Variants in NMNAT2 observed in about 807,000 individuals in gnomAD.
NMNAT2 encodes nicotinamide/nicotinic acid mononucleotide adenylyltransferase 2.
NMNAT2 carries 11 observed loss-of-function variants against 41.6 expected under a neutral mutation model. The ratio of observed to expected loss-of-function variants is 0.26; its 90% CI spans 0.17 to 0.44. The LOEUF is 0.44. Among genes scored for constraint, NMNAT2 ranks in the 20% least tolerant of loss-of-function variants. The pLI is 1.00. For synonymous variants in NMNAT2, 148 were observed against 151.2 expected (o/e 0.98, Z 0.16); for missense variants, 288 against 407.7 (o/e 0.71, Z 2.53).
intron 1 of NMNAT2, among the ~76,000 whole-genome samples, chr1:183,345,276 T>C (rs1171908800): frequency 2.0e-5 from 3 of 152,136 alleles, no homozygotes; most frequent in Admixed American, 6.5e-5. Flanking sequence ...CAAAATTATG[T>C]TGAAATTCAA....
chr1:183,278,032 G>T (rs939227212), intron 8 of NMNAT2, among the ~76,000 whole-genome samples: 3 of 152,184 alleles, frequency 2.0e-5, no homozygotes, highest in African/African-American at 7.2e-5. Flanking sequence ...GCAACAAAAG[G>T]TGTCATTGAG....
chr1:183,371,023 C>G (rs1018014135), intron 1 of NMNAT2, among the ~76,000 whole-genome samples: 10 of 152,082 alleles, frequency 6.6e-5, no homozygotes, highest in Non-Finnish European at 1.3e-4. Flanking sequence ...GAAAAGCAAA[C>G]AAATGACCTG....
chr1:183,300,551 T>C (rs1232551896), intron 1 of NMNAT2, among the ~76,000 whole-genome samples: 6 of 152,342 alleles, frequency 3.9e-5, no homozygotes, highest in Middle Eastern at 3.4e-3. Context: ...ATTTATAAAC[T>C]ACCCAGTCTA....
intron 1 of NMNAT2, among the ~76,000 whole-genome samples, chr1:183,382,781 G>C (rs1335398345): frequency 6.6e-6 from 1 of 152,126 alleles, no homozygotes. Context: ...GGCTTCCAAG[G>C]CCTTGGGCAT....
At chr1:183,404,824 T>C (rs1648910183) in intron 1 of NMNAT2, among the ~76,000 whole-genome samples, 1 of 152,204 alleles carries the variant, frequency 6.6e-6, no homozygotes, top group African/African-American at 2.4e-5. Context: ...ACCAACCCTG[T>C]CTGCAACCCA....
At chr1:183,266,304 T>G (rs1660813845) in intron 8 of NMNAT2, among the ~76,000 whole-genome samples, 1 of 152,236 alleles carries the variant, frequency 6.6e-6, no homozygotes, top group Non-Finnish European at 1.5e-5. Context: ...ATAGCCAGAC[T>G]GATTATGTTA....
At chr1:183,253,917 G>A (rs1012718887) in intron 10 of NMNAT2, among the ~76,000 whole-genome samples, 2 of 139,918 alleles carry the variant, frequency 1.4e-5, no homozygotes, top group Non-Finnish European at 3.0e-5. Context: ...GTGTGTGTGT[G>A]TGTGTGTGTG....
At chr1:183,381,211 G>A (rs1663797504) in intron 1 of NMNAT2, among the ~76,000 whole-genome samples, 1 of 152,076 alleles carries the variant, frequency 6.6e-6, no homozygotes, top group Admixed American at 6.6e-5. Context: ...CTCCTGTTCT[G>A]GACAGAAGAT....
At chr1:183,387,870 A>C (rs985670334) in intron 1 of NMNAT2, among the ~76,000 whole-genome samples, 3 of 152,164 alleles carry the variant, frequency 2.0e-5, no homozygotes, top group Non-Finnish European at 4.4e-5. Context: ...TTCCTGTTTG[A>C]TTGGGAGTCA....
At chr1:183,387,455 G>A (rs1016544975) in intron 1 of NMNAT2, among the ~76,000 whole-genome samples, 1 of 152,150 alleles carries the variant, frequency 6.6e-6, no homozygotes, top group African/African-American at 2.4e-5. Context: ...TTATAGCAGA[G>A]AACAAATCTG....
chr1:183,278,652 G>A (rs1661186972), intron 7 of NMNAT2, 23 bp from the exon 8 acceptor site: 3 of 1,573,812 alleles, frequency 1.9e-6, no homozygotes, highest in Admixed American at 3.3e-5. Flanking sequence ...AGCAAAGTTT[G>A]CAAAGGGAGT....
At chr1:183,408,637 T>C (rs1175491088) in intron 1 of NMNAT2, among the ~76,000 whole-genome samples, 1 of 152,028 alleles carries the variant, frequency 6.6e-6, no homozygotes, top group African/African-American at 2.4e-5. Context: ...ACAGAAAAAA[T>C]GGAGTGATAG....
intron 1 of NMNAT2, among the ~76,000 whole-genome samples, chr1:183,361,979 C>T (rs1157709629): frequency 1.3e-5 from 2 of 152,138 alleles, no homozygotes; most frequent in Non-Finnish European, 2.9e-5. Context: ...GCTCTTTTGC[C>T]CATGCTGGAG....
chr1:183,262,082 T>A (rs1436008684), intron 8 of NMNAT2, among the ~76,000 whole-genome samples: 1 of 152,012 alleles, frequency 6.6e-6, no homozygotes, highest in Non-Finnish European at 1.5e-5. Flanking sequence ...CATACTACCA[T>A]ACCTGGCTAA....
intron 1 of NMNAT2, among the ~76,000 whole-genome samples, chr1:183,300,499 G>C (rs1322044176): frequency 1.3e-5 from 2 of 151,192 alleles, no homozygotes; most frequent in Non-Finnish European, 2.9e-5. Context: ...CCTTTATCTT[G>C]TACTTCCCAG....
At chr1:183,373,396 C>T (rs575461790) in intron 1 of NMNAT2, among the ~76,000 whole-genome samples, 1 of 152,236 alleles carries the variant, frequency 6.6e-6, no homozygotes, top group Non-Finnish European at 1.5e-5. Flanking sequence ...TTCCATGACC[C>T]CGTGGAGAGA....
intron 1 of NMNAT2, among the ~76,000 whole-genome samples, chr1:183,400,818 A>T (rs1388822725): frequency 6.6e-6 from 1 of 152,232 alleles, no homozygotes; most frequent in East Asian, 1.9e-4. Context: ...TGGGGAAAGG[A>T]TTCCCTATTT....
intron 7 of NMNAT2, 115 bp from the exon 8 acceptor site, chr1:183,278,744 G>T: frequency 2.7e-6 from 2 of 743,448 alleles, no homozygotes; most frequent in Non-Finnish European, 4.8e-6. Flanking sequence ...GGGATGTGGG[G>T]CCCAGTTATC....
chr1:183,405,261 G>C (rs901842547), intron 1 of NMNAT2, among the ~76,000 whole-genome samples: 7 of 152,010 alleles, frequency 4.6e-5, no homozygotes, highest in Non-Finnish European at 1.0e-4. Context: ...GAAACAATAG[G>C]ATTCTAGGAT....
Sources: gnomAD v4.1 joint callset for allele counts (sites outside exome capture counted in the v4.1 genomes callset) on GRCh38, gnomAD v4.1.1 for gene constraint, MANE v1.5 for transcripts, NCBI Gene and HGNC (gene_info 2026-07-23, HGNC 2026-07-21) for gene names.